SLC35D4: variants seen among roughly 807,000 people sequenced by gnomAD.
The protein encoded by SLC35D4 is UDP-N-acetylglucosamine transporter SLC35D4.
At chr18:23,412,275 C>G in the SLC35D4 span, among the ~76,000 whole-genome samples, 3 of 152,168 alleles carry the variant, frequency 2.0e-5, no homozygotes, top group Non-Finnish European at 4.4e-5. Context: ...CAAGATCATG[C>G]CACTGCACTC....
At chr18:23,350,802 C>T in the SLC35D4 span, among the ~76,000 whole-genome samples, 2 of 151,992 alleles carry the variant, frequency 1.3e-5, no homozygotes, top group Non-Finnish European at 2.9e-5. Context: ...TTCACAGCCT[C>T]GCCTGCTCTG....
the SLC35D4 span, among the ~76,000 whole-genome samples, chr18:23,322,091 G>T: frequency 6.6e-6 from 1 of 152,160 alleles, no homozygotes; most frequent in Non-Finnish European, 1.5e-5. Context: ...GGGAATAATT[G>T]TTTATCTGAT....
At chr18:23,385,323 C>T in the SLC35D4 span, among the ~76,000 whole-genome samples, 1 of 152,170 alleles carries the variant, frequency 6.6e-6, no homozygotes, top group South Asian at 2.1e-4. Flanking sequence ...GCACTGCATC[C>T]GGTACAGAGA....
At chr18:23,410,467 G>C in the SLC35D4 span, among the ~76,000 whole-genome samples, 1 of 144,214 alleles carries the variant, frequency 6.9e-6, no homozygotes, top group Non-Finnish European at 1.5e-5. Context: ...AAAAGAGCGA[G>C]ACTCTGTCTC....
chr18:23,324,747 G>C, the SLC35D4 span, among the ~76,000 whole-genome samples: 4 of 152,268 alleles, frequency 2.6e-5, no homozygotes, highest in South Asian at 8.3e-4. Context: ...AGGAAGAGTG[G>C]GAAGGGCAGT....
the SLC35D4 span, among the ~76,000 whole-genome samples, chr18:23,264,457 G>A: frequency 1.3e-5 from 2 of 149,286 alleles, no homozygotes; most frequent in South Asian, 4.3e-4. Flanking sequence ...CTGCCTCCCA[G>A]GTTCAAGCGA....
the SLC35D4 span, among the ~76,000 whole-genome samples, chr18:23,343,897 ATTCTTTTTTTTTTTTTT>A: frequency 6.9e-6 from 1 of 145,518 alleles, no homozygotes; most frequent in Non-Finnish European, 1.5e-5. Flanking sequence ...ACATGATCTC[ATTCTTTTTTTTTTTTTT>A]TGAGATGGAG....
At chr18:23,394,525 T>C in the SLC35D4 span, among the ~76,000 whole-genome samples, 1 of 152,228 alleles carries the variant, frequency 6.6e-6, no homozygotes, top group South Asian at 2.1e-4. Flanking sequence ...ACTTTGTTGA[T>C]AGTATCCTTT....
At chr18:23,429,324 G>A in the SLC35D4 span, among the ~76,000 whole-genome samples, 1 of 152,018 alleles carries the variant, frequency 6.6e-6, no homozygotes, top group Non-Finnish European at 1.5e-5. Flanking sequence ...GTGTATAAAC[G>A]TTTCCTTTTT....
chr18:23,405,481 C>T, the SLC35D4 span, among the ~76,000 whole-genome samples: 4 of 152,328 alleles, frequency 2.6e-5, no homozygotes, highest in South Asian at 8.3e-4. Context: ...TGAGCCACCA[C>T]ACCTGGCCAA....
the SLC35D4 span, chr18:23,376,754 C>A: frequency 2.4e-3 from 1,072 of 455,354 alleles, 13 homozygotes; most frequent in East Asian, 0.04. Flanking sequence ...CCTCTTGGAA[C>A]TGTGGAAGAT....
chr18:23,274,888 G>A, the SLC35D4 span, among the ~76,000 whole-genome samples: 1 of 152,188 alleles, frequency 6.6e-6, no homozygotes, highest in African/African-American at 2.4e-5. Context: ...AAGTCCCTGC[G>A]GCAGGCGTGT....
At chr18:23,263,382 C>T in the SLC35D4 span, among the ~76,000 whole-genome samples, 9 of 152,336 alleles carry the variant, frequency 5.9e-5, no homozygotes, top group South Asian at 2.1e-4. Context: ...TCTGGAGCTA[C>T]GAAATCCATA....
At chr18:23,340,228 T>C in the SLC35D4 span, among the ~76,000 whole-genome samples, 1 of 151,968 alleles carries the variant, frequency 6.6e-6, no homozygotes, top group Non-Finnish European at 1.5e-5. Context: ...TCTCAGCCAC[T>C]GGGGAGGCCG....
At chr18:23,385,058 C>G in the SLC35D4 span, 71 of 1,612,854 alleles carry the variant, frequency 4.4e-5, 1 homozygote, top group Non-Finnish European at 5.2e-5. Context: ...GTGAGAAACA[C>G]AGGAATGGCC....
At chr18:23,383,869 C>G in the SLC35D4 span, among the ~76,000 whole-genome samples, 2 of 151,764 alleles carry the variant, frequency 1.3e-5, no homozygotes, top group Non-Finnish European at 2.9e-5. Context: ...ATTGACAGGG[C>G]CACCTCCAAG....
chr18:23,328,210 C>T, the SLC35D4 span, among the ~76,000 whole-genome samples: 1 of 152,142 alleles, frequency 6.6e-6, no homozygotes, highest in Non-Finnish European at 1.5e-5. Flanking sequence ...CCAGGGCAAT[C>T]AGGCAGGAGA....
chr18:23,338,112 A>G, the SLC35D4 span, among the ~76,000 whole-genome samples: 1 of 152,256 alleles, frequency 6.6e-6, no homozygotes, highest in African/African-American at 2.4e-5. Context: ...GGTGGTCTCC[A>G]TGGAAACCAC....
chr18:23,366,499 A>G, the SLC35D4 span, among the ~76,000 whole-genome samples: 4 of 152,222 alleles, frequency 2.6e-5, no homozygotes, highest in Admixed American at 2.0e-4. Flanking sequence ...CCCTGGCTGC[A>G]TATCAGAATA....
Sources: gnomAD v4.1 joint callset for allele counts (sites outside exome capture counted in the v4.1 genomes callset) on GRCh38, gnomAD v4.1.1 for gene constraint, MANE v1.5 for transcripts, NCBI Gene and HGNC (gene_info 2026-07-23, HGNC 2026-07-21) for gene names.